The following PPP2R2B variants were observed in gnomAD, a reference collection of about 807,000 sequenced individuals.
PPP2R2B encodes the protein protein phosphatase 2 regulatory subunit Bbeta.
PPP2R2B carries 5 observed loss-of-function variants against 46.0 expected under a neutral mutation model. That is an observed-to-expected ratio of 0.11 (90% CI 0.06 to 0.23). The LOEUF (loss-of-function observed/expected upper bound fraction) is 0.23, where lower values mean the gene tolerates loss of function less well. Among genes scored for constraint, PPP2R2B ranks in the 10% least tolerant of loss-of-function variants. The pLI, the probability that PPP2R2B is intolerant of heterozygous loss-of-function variation, is 1.00. For synonymous variants in PPP2R2B, 215 were observed against 206.7 expected, an observed-to-expected ratio of 1.04 and a Z score of -0.34; for missense variants, 367 against 575.0, an observed-to-expected ratio of 0.64 and a Z score of 3.70.
At chr5:146,953,328 A>G (rs999692046) in intron 1 of PPP2R2B, among the ~76,000 whole-genome samples, 2 of 152,180 alleles carry the variant, frequency 1.3e-5, no homozygotes, top group Non-Finnish European at 2.9e-5. Flanking sequence ...TCTGAAATGT[A>G]ATACTCCAGT....
At chr5:146,631,262 A>C (rs1774406045) in intron 7 of PPP2R2B, among the ~76,000 whole-genome samples, 1 of 152,138 alleles carries the variant, frequency 6.6e-6, no homozygotes, top group Admixed American at 6.5e-5. Context: ...ACTTTCTTCA[A>C]GTTATAGAAG....
chr5:146,931,175 A>G (rs565823607), intron 1 of PPP2R2B, among the ~76,000 whole-genome samples: 1 of 152,150 alleles, frequency 6.6e-6, no homozygotes, highest in Non-Finnish European at 1.5e-5. Context: ...TCTGTAACGC[A>G]AGCCAGAACC....
At chr5:146,634,785 C>G (rs111349413) in intron 7 of PPP2R2B, among the ~76,000 whole-genome samples, 2 of 151,778 alleles carry the variant, frequency 1.3e-5, no homozygotes, top group East Asian at 1.9e-4. Flanking sequence ...CACACACACC[C>G]CCTACTGGTT....
At chr5:146,725,368 C>CT (rs1433245333) in intron 2 of PPP2R2B, among the ~76,000 whole-genome samples, 3 of 152,104 alleles carry the variant, frequency 2.0e-5, no homozygotes, top group Non-Finnish European at 4.4e-5. Flanking sequence ...CTATGTATTT[C>CT]TGCCACTACA....
At chr5:146,999,012 TCA>T (rs1491411747) in intron 1 of PPP2R2B, among the ~76,000 whole-genome samples, 4 of 30,224 alleles carry the variant, frequency 1.3e-4, no homozygotes, top group Non-Finnish European at 2.0e-4. Flanking sequence ...AGACTCCATA[TCA>T]AAAAAAAAAA....
chr5:146,590,354 A>C, intron 9 of PPP2R2B, 128 bp from the exon 10 acceptor site: 1 of 902,010 alleles, frequency 1.1e-6, no homozygotes, highest in Non-Finnish European at 1.6e-6. Flanking sequence ...AAAAATGAGA[A>C]CAGGCTCTGC....
At chr5:146,634,465 A>G (rs1324699168) in intron 7 of PPP2R2B, among the ~76,000 whole-genome samples, 1 of 151,974 alleles carries the variant, frequency 6.6e-6, no homozygotes, top group East Asian at 1.9e-4. Context: ...CTCCTGAGTA[A>G]CTGGGACTAC....
In PPP2R2B at chr5:146,589,946, C is replaced by T. The variant is rs377399816; in HGVS notation, c.*1G>A. On this transcript the variant is annotated 3_prime_UTR_variant, in exon 10 of 10. Transcript: ENST00000394411. ...AGATTATTAAGTAATAACTTGTCCA[C>T]CTAGTTAACCTTGTCCTGGAATATA... is the stretch of plus-strand genomic sequence containing the variant. The T allele has an allele frequency of 1.2e-6, 2 of 1,611,344 alleles. No individual in the cohort carries two copies. The highest frequency in any genetic ancestry group is 2.7e-5 in the African/African-American group (2 of 74,858).
chr5:146,970,260 C>A (rs1257624424), intron 1 of PPP2R2B, among the ~76,000 whole-genome samples: 1 of 152,258 alleles, frequency 6.6e-6, no homozygotes, highest in Middle Eastern at 3.4e-3. Context: ...AGAACCTACA[C>A]CCTGAACTAT....
intron 1 of PPP2R2B, among the ~76,000 whole-genome samples, chr5:146,923,553 G>A (rs148268228): frequency 1.3e-5 from 2 of 152,282 alleles, no homozygotes; most frequent in Non-Finnish European, 2.9e-5. Flanking sequence ...GATCCCTAGT[G>A]GGTTTGTCGG....
chr5:146,586,505 C>A lies in PPP2R2B; in HGVS notation c.*3442G>T, dbSNP rs1245305203. ...GCTTTTCAAGTCCTTAGAAATTGGG[C>A]ATTTGAGTGTGTACCTTTTATTATA... On this transcript the variant is annotated 3_prime_UTR_variant, in exon 10 of 10. Transcript: ENST00000394411. 1 of 152,074 alleles carries A rather than the reference C, an allele frequency of 6.6e-6. No homozygotes were observed. The highest frequency in any genetic ancestry group is 2.1e-4 in the South Asian group (1 of 4,822). The allele number at this position is 152,074 out of a possible 1,614,324, so 9.4% of individuals were successfully genotyped here.
intron 1 of PPP2R2B, among the ~76,000 whole-genome samples, chr5:147,008,913 G>T (rs758705198): frequency 9.9e-5 from 15 of 152,186 alleles, no homozygotes; most frequent in Non-Finnish European, 1.8e-4. Flanking sequence ...CTTATGAAAA[G>T]CATCAGTGTG....
chr5:146,999,999 T>A (rs556513922), intron 1 of PPP2R2B, among the ~76,000 whole-genome samples: 1 of 152,274 alleles, frequency 6.6e-6, no homozygotes, highest in South Asian at 2.1e-4. Context: ...GGGACCTGAA[T>A]ACCTGCATTC....
intron 2 of PPP2R2B, among the ~76,000 whole-genome samples, chr5:147,075,920 T>C (rs977341370): frequency 1.5e-5 from 2 of 136,918 alleles, no homozygotes; most frequent in Non-Finnish European, 3.2e-5. Flanking sequence ...TAGTGAATAA[T>C]GTCTATGTGT....
chr5:146,688,909 T>A (rs879858590), intron 5 of PPP2R2B, among the ~76,000 whole-genome samples: 2 of 152,104 alleles, frequency 1.3e-5, no homozygotes, highest in Non-Finnish European at 2.9e-5. Flanking sequence ...TTAATCCAGT[T>A]GTTTTCTCCA....
intron 1 of PPP2R2B, among the ~76,000 whole-genome samples, chr5:146,975,098 T>C (rs909682084): frequency 3.3e-5 from 5 of 152,306 alleles, no homozygotes; most frequent in Admixed American, 1.3e-4. Flanking sequence ...ACATTATTGT[T>C]CAACCAATCT....
chr5:146,803,845 G>A (rs1237094160), intron 2 of PPP2R2B, among the ~76,000 whole-genome samples: 2 of 152,164 alleles, frequency 1.3e-5, no homozygotes, highest in Non-Finnish European at 2.9e-5. Context: ...GCTTCATGTA[G>A]TTGTTGTGAG....
At chr5:146,716,970 C>G (rs1780532967) in intron 2 of PPP2R2B, among the ~76,000 whole-genome samples, 1 of 152,072 alleles carries the variant, frequency 6.6e-6, no homozygotes, top group South Asian at 2.1e-4. Context: ...TTTTCAGTAC[C>G]TAGGATCTTA....
intron 2 of PPP2R2B, among the ~76,000 whole-genome samples, chr5:147,069,902 T>G (rs1222410216): frequency 7.0e-6 from 1 of 143,566 alleles, no homozygotes. Flanking sequence ...GCAATTCTCT[T>G]GCCTCAGCCT....
Sources: allele counts gnomAD v4.1 joint callset (sites outside exome capture counted in the v4.1 genomes callset), GRCh38; gene constraint gnomAD v4.1.1; transcripts MANE v1.5; gene names NCBI Gene and HGNC (gene_info 2026-07-23, HGNC 2026-07-21).